Variants in CCDC57 observed in about 807,000 individuals in gnomAD.
The protein encoded by CCDC57 is coiled-coil domain containing 57.
Under a neutral mutation model 118.9 loss-of-function variants are expected in CCDC57, and 118 were observed. The observed-to-expected ratio is 0.99, with a 90% confidence interval of 0.86 to 1.16. The LOEUF (loss-of-function observed/expected upper bound fraction) is 1.16. Among genes scored for constraint, CCDC57 ranks in the 50% most tolerant of loss-of-function variants. The probability of loss-of-function intolerance (pLI) is 0.00; values close to 1 mark genes in which losing one functional copy is unlikely to be tolerated. For missense variants in CCDC57, 1,300 were observed against 1,320.7 expected (o/e 0.98, Z 0.24); for synonymous variants, 527 against 532.9 (o/e 0.99, Z 0.15).
intron 11 of CCDC57, among the ~76,000 whole-genome samples, chr17:82,174,732 C>T (rs1004043621): frequency 6.6e-6 from 1 of 152,198 alleles, no homozygotes; most frequent in African/African-American, 2.4e-5. Context: ...CACCTGGTAC[C>T]GTTGCTTTTT....
chr17:82,151,549 C>A lies in CCDC57; in HGVS notation c.2455+11G>T, dbSNP rs1310294605. ...CACACTCAGGCCATGGCCTCCACTT[C>A]CCGGACTCACTTTCGGGTCGGCCCA... On this transcript the variant is annotated intron_variant, in intron 16 of 19. Coordinates refer to ENST00000665763, the Ensembl canonical transcript of CCDC57. The A allele has an allele frequency of 1.3e-6, 2 of 1,549,914 alleles. No homozygotes were observed. The highest frequency in any genetic ancestry group is 2.4e-5 in the South Asian group (2 of 84,062).
chr17:82,128,491 A>G lies in CCDC57; in HGVS notation c.2682+2T>C. The G allele has an allele frequency of 6.4e-7, 1 of 1,551,208 alleles. No individual in the cohort carries two copies. The highest frequency in any genetic ancestry group is 1.9e-5 in the Admixed American group (1 of 52,284). The stretch of plus-strand genomic sequence containing the variant: ...CACTTGCTCGGGCGCCGCCACTCTC[A>G]CCTTCGGGCCTTGCAGGGCGTCAAG... On this transcript the variant is annotated splice_donor_variant, in intron 18 of 19. Transcript: ENST00000665763. LOFTEE classifies it high-confidence loss of function.
At position 82,212,395 on chromosome 17, in the gene CCDC57, C is replaced by CTTTTTTTT. The variant is rs764385537; in HGVS notation, c.-211+389_-211+390insAAAAAAAA. Among the ~76,000 whole-genome samples the CTTTTTTTT allele has an allele frequency of 7.5e-6, 1 of 134,222 alleles. No homozygotes were observed. The highest frequency in any genetic ancestry group is 2.3e-4 in the South Asian group (1 of 4,324). The allele number at this position is 134,222 out of a possible 152,430, so 88.1% of individuals were successfully genotyped here. On this transcript the variant is annotated intron_variant, in intron 1 of 19. Transcript: ENST00000665763. This position sits in a 1 kb window ranked among gnomAD's most constrained non-coding sequence, Gnocchi z 4.1. ...ACCGCCTCCGGCCTTTTTTTTTCCT[C>CTTTTTTTT]TCTTTTTTTTTTTTTTTTTTTAAAC...
intron 16 of CCDC57, 130 bp downstream of exon 15, chr17:82,151,430 G>GGCGC: frequency 1.3e-5 from 4 of 309,006 alleles, no homozygotes; most frequent in Non-Finnish European, 1.3e-5. Flanking sequence ...CCCAGAATCT[G>GGCGC]ACCCACATCC....
intron 13 of CCDC57, among the ~76,000 whole-genome samples, chr17:82,164,782 A>T (rs1050779786): frequency 2.0e-5 from 3 of 152,252 alleles, no homozygotes; most frequent in Non-Finnish European, 4.4e-5. Context: ...CACAATTTTA[A>T]ACCTTCCCAC....
intron 3 of CCDC57, among the ~76,000 whole-genome samples, chr17:82,199,978 C>T (rs990628596): frequency 6.6e-6 from 1 of 152,176 alleles, no homozygotes; most frequent in African/African-American, 2.4e-5. Context: ...AAGACGGTGG[C>T]GCTCAGGGTA....
intron 11 of CCDC57, among the ~76,000 whole-genome samples, chr17:82,177,751 T>C (rs2045712035): frequency 6.6e-6 from 1 of 152,112 alleles, no homozygotes; most frequent in African/African-American, 2.4e-5. Context: ...GCAGGGACTC[T>C]TGGGTGGTCT....
chr17:82,207,123 T>C (rs990779743), intron 2 of CCDC57, among the ~76,000 whole-genome samples: 23 of 152,254 alleles, frequency 1.5e-4, no homozygotes, highest in Middle Eastern at 3.4e-3. Context: ...GCTGGATCAC[T>C]TGAGCCCAGG....
At chr17:82,186,610 T>C (rs933507945) in intron 8 of CCDC57, among the ~76,000 whole-genome samples, 24 of 152,066 alleles carry the variant, frequency 1.6e-4, no homozygotes, top group African/African-American at 5.8e-4. Flanking sequence ...TACTGTGTAG[T>C]TCTAAGAGCC....
intron 13 of CCDC57, among the ~76,000 whole-genome samples, chr17:82,169,979 T>TA (rs2044478419): frequency 6.6e-6 from 1 of 151,984 alleles, no homozygotes; most frequent in Non-Finnish European, 1.5e-5. Flanking sequence ...TAAAATACCC[T>TA]AAAAAAATCT....
chr17:82,168,904 TAGAA>T (rs1356896588), intron 13 of CCDC57, among the ~76,000 whole-genome samples: 1 of 151,766 alleles, frequency 6.6e-6, no homozygotes, highest in Non-Finnish European at 1.5e-5. Flanking sequence ...AAAACAGGAA[TAGAA>T]AGAAACTTCC....
exon 19 of CCDC57, chr17:82,127,702 G>C (rs1293600196): frequency 1.2e-6 from 2 of 1,604,424 alleles, no homozygotes; most frequent in South Asian, 2.2e-5. Context: ...CTGGAGTTGA[G>C]TCACCCTGGG....
intron 3 of CCDC57, 152 bp from the exon 3 acceptor site, chr17:82,198,574 C>A (rs915217665): frequency 1.7e-6 from 1 of 594,712 alleles, no homozygotes; most frequent in East Asian, 2.9e-5. Context: ...AACTTCCAGC[C>A]CCACCTGGAC....
chr17:82,104,203 C>T (rs1055149967), intron 19 of CCDC57, among the ~76,000 whole-genome samples: 1 of 152,248 alleles, frequency 6.6e-6, no homozygotes, highest in African/African-American at 2.4e-5. Flanking sequence ...CCTGTTTTGC[C>T]GAGCCTGGCC....
intron 11 of CCDC57, among the ~76,000 whole-genome samples, chr17:82,176,736 G>T (rs1328458797): frequency 6.6e-6 from 1 of 152,002 alleles, no homozygotes; most frequent in Non-Finnish European, 1.5e-5. Flanking sequence ...CCCTTTTTTT[G>T]GAGTTTTACT....
At chr17:82,210,332 G>T (rs2050079373) in intron 1 of CCDC57, among the ~76,000 whole-genome samples, 1 of 151,936 alleles carries the variant, frequency 6.6e-6, no homozygotes, top group Non-Finnish European at 1.5e-5. Flanking sequence ...CAGTTATTTT[G>T]GGGAAACACT....
At chr17:82,151,103 C>T (rs2041955181) in intron 16 of CCDC57, among the ~76,000 whole-genome samples, 2 of 137,954 alleles carry the variant, frequency 1.4e-5, no homozygotes, top group Admixed American at 1.5e-4. Flanking sequence ...ACACCCAGAA[C>T]CTGACCCACA....
chr17:82,168,994 T>C (rs997779585), intron 13 of CCDC57, among the ~76,000 whole-genome samples: 2 of 152,232 alleles, frequency 1.3e-5, no homozygotes, highest in Non-Finnish European at 2.9e-5. Flanking sequence ...ATGCTGAAAG[T>C]TCTTCCTCTG....
chr17:82,136,174 A>C (rs1412848004), intron 16 of CCDC57, among the ~76,000 whole-genome samples: 1 of 152,182 alleles, frequency 6.6e-6, no homozygotes, highest in Non-Finnish European at 1.5e-5. Flanking sequence ...AATAGCCCAA[A>C]GGCGGAAACC....
Sources: allele counts gnomAD v4.1 joint callset (sites outside exome capture counted in the v4.1 genomes callset), GRCh38; gene constraint gnomAD v4.1.1; non-coding constraint Gnocchi (gnomAD v3.1); transcripts MANE v1.5; gene names NCBI Gene and HGNC (gene_info 2026-07-23, HGNC 2026-07-21).